The following KCNH1 variants were observed in gnomAD, a reference collection of about 807,000 sequenced individuals.
KCNH1 encodes the protein voltage-gated delayed rectifier potassium channel KCNH1.
In KCNH1, 27 loss-of-function variants were observed where a neutral mutation model predicts 69.2. The ratio of observed to expected loss-of-function variants is 0.39; its 90% CI spans 0.29 to 0.54. The LOEUF is 0.54. Ranked by LOEUF, KCNH1 falls within the 20% of genes least tolerant of loss-of-function variation. The pLI, the probability that KCNH1 is intolerant of heterozygous loss-of-function variation, is 0.68. For missense variants in KCNH1, 798 were observed against 1,261.6 expected (o/e 0.63, Z 5.57); for synonymous variants, 456 against 487.7 (o/e 0.93, Z 0.86).
At position 211,082,790 on chromosome 1, in the gene KCNH1, CG is replaced by C; in HGVS notation, c.547del (p.Arg183AlafsTer43). ...QKGENVHKHS[R>X]LAEVLQLGSD... Reference sequence around the variant, plus strand: ...ACCCTTTGCCCTTACCTCTGCCAGGCGGGAGTGCTTGTGGACATTCTCGCCT... The same window carrying C: ...ACCCTTTGCCCTTACCTCTGCCAGGCGGAGTGCTTGTGGACATTCTCGCCT... On this transcript the variant is annotated frameshift_variant, in exon 5 of 11. Transcript: ENST00000271751. LOFTEE classifies it high-confidence loss of function. 1 of 1,613,362 alleles carries C rather than the reference CG, an allele frequency of 6.2e-7. No individual in the cohort carries two copies. Among genetic ancestry groups the C allele is most frequent in the Non-Finnish European group, 8.5e-7 (1 of 1,179,436 alleles).
chr1:211,033,764 T>C (rs1277509792), intron 5 of KCNH1, among the ~76,000 whole-genome samples: 1 of 143,990 alleles, frequency 6.9e-6, no homozygotes, highest in East Asian at 2.0e-4. Context: ...GGGCCTGTTG[T>C]GGGGTGGGGG....
At chr1:210,881,247 C>A (rs1574314486) in intron 7 of KCNH1, among the ~76,000 whole-genome samples, 1 of 152,140 alleles carries the variant, frequency 6.6e-6, no homozygotes, top group Non-Finnish European at 1.5e-5. Flanking sequence ...AAGTAATCTG[C>A]CCACCTTGGC....
At chr1:210,920,279 A>G (rs1293852079) in intron 6 of KCNH1, among the ~76,000 whole-genome samples, 1 of 152,238 alleles carries the variant, frequency 6.6e-6, no homozygotes, top group Non-Finnish European at 1.5e-5. Context: ...TTAAAAAGCA[A>G]ATAAGCAAGC....
Position 210,683,918 on chromosome 1 carries a change from G to A in KCNH1, c.2333C>T (p.Ala778Val). ...GCTGGCCTTCACGAGGCTGTGGTTG[G>A]CGGAGGCATGCTCTGTAAGGACATT... ...KGNVLTEHAS[A>V]NHSLVKASVV... Residue 778 changes from alanine (A) to valine (V), a missense_variant, in exon 11 of 11, where the codon GCC becomes GTC. Coordinates refer to ENST00000271751, the MANE Select transcript of KCNH1 (RefSeq NM_172362.3). This position sits in a 1 kb window ranked among gnomAD's most constrained non-coding sequence, Gnocchi z 5.7. 1 of 1,612,810 alleles carries A rather than the reference G, an allele frequency of 6.2e-7. No homozygotes were observed. Among genetic ancestry groups the A allele is most frequent in the Non-Finnish European group, 8.5e-7 (1 of 1,178,938 alleles).
intron 5 of KCNH1, among the ~76,000 whole-genome samples, chr1:211,044,430 G>C (rs1049905572): frequency 6.6e-6 from 1 of 152,114 alleles, no homozygotes; most frequent in Admixed American, 6.6e-5. Flanking sequence ...TTAAACTAAA[G>C]AGCCTTTGCA....
intron 6 of KCNH1, among the ~76,000 whole-genome samples, chr1:211,011,505 G>A (rs1689393325): frequency 6.6e-6 from 1 of 152,170 alleles, no homozygotes; most frequent in Non-Finnish European, 1.5e-5. Context: ...TAATGGGATT[G>A]CTGGGTCAAA....
At chr1:210,913,784 G>A (rs558130253) in intron 7 of KCNH1, among the ~76,000 whole-genome samples, 14 of 152,216 alleles carry the variant, frequency 9.2e-5, no homozygotes, top group East Asian at 1.9e-4. Context: ...ATATATTACC[G>A]TATTTCTACT....
chr1:210,693,482 G>T lies in KCNH1; in HGVS notation c.2113-9344C>A, dbSNP rs534291686. ...GCAACCAAAGAGAGGCCAGGTAGAAGACTATGACTAAAGCTAATCACAGAT... is the reference window on the plus strand; with the variant it reads ...GCAACCAAAGAGAGGCCAGGTAGAATACTATGACTAAAGCTAATCACAGAT... On this transcript the variant is annotated intron_variant, in intron 10 of 10. Coordinates refer to ENST00000271751, the MANE Select transcript of KCNH1 (RefSeq NM_172362.3). 4.6e-5 allele frequency among the ~76,000 whole-genome samples: 7 copies of T among 152,318 alleles called. No individual in the cohort carries two copies. The East Asian group carries it at 1.4e-3, about 29-fold the overall frequency.
At chr1:210,885,514 C>T (rs537727697) in intron 7 of KCNH1, among the ~76,000 whole-genome samples, 1 of 152,202 alleles carries the variant, frequency 6.6e-6, no homozygotes, top group South Asian at 2.1e-4. Flanking sequence ...TTTCATACCC[C>T]AGTGGCACCT....
rs146651206 is a variant in KCNH1 at position 210,901,276 on chromosome 1, G to A, written c.1462+18364C>T. ...CCCTACCACAGCCAATTCATCACCT[G>A]GTCTTGTTGGTCCCACCTCCAAAAT... On this transcript the variant is annotated intron_variant, in intron 7 of 10. Coordinates refer to ENST00000271751, the MANE Select transcript of KCNH1 (RefSeq NM_172362.3). Among the ~76,000 whole-genome samples, 1,382 of 152,128 alleles carry A rather than the reference G, an allele frequency of 9.1e-3. 5 individuals carry two copies. Among genetic ancestry groups the A allele is most frequent in the Non-Finnish European group, 0.015 (1,009 of 67,998 alleles).
chr1:211,066,261 G>T (rs1043882111), intron 5 of KCNH1, among the ~76,000 whole-genome samples: 6 of 152,084 alleles, frequency 3.9e-5, no homozygotes, highest in Non-Finnish European at 8.8e-5. Context: ...AGAGCCAAAC[G>T]TCAAAATCTA....
intron 6 of KCNH1, among the ~76,000 whole-genome samples, chr1:210,997,310 T>A (rs1188519728): frequency 6.6e-6 from 1 of 151,970 alleles, no homozygotes; most frequent in Non-Finnish European, 1.5e-5. Flanking sequence ...CGCAGAGAAG[T>A]CCTTAAAGGA....
intron 9 of KCNH1, among the ~76,000 whole-genome samples, chr1:210,795,848 T>C (rs1394362621): frequency 1.3e-5 from 2 of 151,888 alleles, no homozygotes; most frequent in Non-Finnish European, 2.9e-5. Context: ...AGAGGCTGGG[T>C]GTGGTGGCTC....
At chr1:211,037,571 C>A (rs2102428738) in intron 5 of KCNH1, among the ~76,000 whole-genome samples, 1 of 145,520 alleles carries the variant, frequency 6.9e-6, no homozygotes, top group East Asian at 2.1e-4. Context: ...TGAATGATAG[C>A]AACATGCCTT....
At chr1:210,902,329 G>T (rs1277328704) in intron 7 of KCNH1, among the ~76,000 whole-genome samples, 1 of 152,194 alleles carries the variant, frequency 6.6e-6, no homozygotes, top group East Asian at 1.9e-4. Flanking sequence ...TCAAGCAATG[G>T]ACACTGCAGG....
At chr1:211,083,847 G>A (rs1295123307) in intron 4 of KCNH1, among the ~76,000 whole-genome samples, 1 of 152,128 alleles carries the variant, frequency 6.6e-6, no homozygotes, top group African/African-American at 2.4e-5. Flanking sequence ...TTTTACCCTG[G>A]AGCAACTTTC....
At chr1:210,871,649 A>G (rs1363867668) in intron 7 of KCNH1, among the ~76,000 whole-genome samples, 1 of 152,070 alleles carries the variant, frequency 6.6e-6, no homozygotes, top group Non-Finnish European at 1.5e-5. Flanking sequence ...CTTGGAACCA[A>G]TCCAAATGTC....
intron 10 of KCNH1, among the ~76,000 whole-genome samples, chr1:210,772,275 C>A (rs141641314): frequency 2.6e-3 from 402 of 152,224 alleles, no homozygotes; most frequent in African/African-American, 9.1e-3. Context: ...CAAGAAACTC[C>A]CCAGATAGAT....
At chr1:210,978,792 A>G (rs555727829) in intron 6 of KCNH1, among the ~76,000 whole-genome samples, 1 of 152,326 alleles carries the variant, frequency 6.6e-6, no homozygotes, top group African/African-American at 2.4e-5. Flanking sequence ...GTGATCTAAC[A>G]TCTCAAGCCC....
Sources: allele counts gnomAD v4.1 joint callset (sites outside exome capture counted in the v4.1 genomes callset), GRCh38; gene constraint gnomAD v4.1.1; non-coding constraint Gnocchi (gnomAD v3.1); transcripts MANE v1.5; gene names NCBI Gene and HGNC (gene_info 2026-07-23, HGNC 2026-07-21).